Variants in COBLL1 observed in about 807,000 individuals in gnomAD.
The protein encoded by COBLL1 is cordon-bleu WH2 repeat protein like 1, also known as cordon-bleu protein-like 1.
COBLL1 carries 50 observed loss-of-function variants against 94.8 expected under a neutral mutation model. The observed-to-expected ratio is 0.53, with a 90% CI of 0.42 to 0.67. The LOEUF (loss-of-function observed/expected upper bound fraction) is 0.67. COBLL1 is among the 30% of genes least tolerant of loss of function. COBLL1 has a pLI of 0.00. For missense variants in COBLL1, 1,362 were observed against 1,348.7 expected, an observed-to-expected ratio of 1.01 and a Z score of -0.15; for synonymous variants, 448 against 473.8, an observed-to-expected ratio of 0.95 and a Z score of 0.71.
At chr2:164,771,565 T>A (rs1249978301) in intron 2 of COBLL1, among the ~76,000 whole-genome samples, 1 of 151,998 alleles carries the variant, frequency 6.6e-6, no homozygotes, top group Admixed American at 6.6e-5. Flanking sequence ...CCATATGACT[T>A]GGGAGTTTCA....
intron 2 of COBLL1, among the ~76,000 whole-genome samples, chr2:164,662,311 G>A (rs1450075947): frequency 2.0e-5 from 3 of 152,044 alleles, no homozygotes; most frequent in Non-Finnish European, 4.4e-5. Flanking sequence ...GCTTAGTAAA[G>A]CATAAGATTA....
At chr2:164,691,917 G>C (rs1040874637) in intron 13 of COBLL1, among the ~76,000 whole-genome samples, 4 of 152,088 alleles carry the variant, frequency 2.6e-5, no homozygotes, top group Admixed American at 6.6e-5. Flanking sequence ...GTTTTCCAAA[G>C]AGTCTTTCTC....
chr2:164,757,665 G>A (rs1687479074), intron 2 of COBLL1, among the ~76,000 whole-genome samples: 1 of 151,918 alleles, frequency 6.6e-6, no homozygotes, highest in South Asian at 2.1e-4. Flanking sequence ...TTAAATATTA[G>A]ACCAGGCGTG....
At chr2:164,720,727 G>A (rs1685401996) in intron 7 of COBLL1, among the ~76,000 whole-genome samples, 1 of 152,104 alleles carries the variant, frequency 6.6e-6, no homozygotes, top group Non-Finnish European at 1.5e-5. Context: ...GCAAGCCATC[G>A]TGTTCACATT....
At chr2:164,788,456 A>G (rs1682994442) in intron 2 of COBLL1, among the ~76,000 whole-genome samples, 2 of 152,166 alleles carry the variant, frequency 1.3e-5, no homozygotes, top group Non-Finnish European at 2.9e-5. Flanking sequence ...CAAGAGATAC[A>G]TGCAAAGAGT....
intron 2 of COBLL1, among the ~76,000 whole-genome samples, chr2:164,783,202 G>C (rs963014271): frequency 5.3e-5 from 8 of 152,066 alleles, no homozygotes; most frequent in African/African-American, 1.7e-4. Flanking sequence ...AGGAATTCCA[G>C]ATCAGCCTGG....
intron 2 of COBLL1, among the ~76,000 whole-genome samples, chr2:164,661,279 G>A (rs1390905567): frequency 1.3e-5 from 2 of 152,026 alleles, no homozygotes; most frequent in South Asian, 2.1e-4. Flanking sequence ...CCAGCTATGG[G>A]ATGGAAATAA....
intron 1 of COBLL1, among the ~76,000 whole-genome samples, chr2:164,669,556 A>G (rs910856630): frequency 1.3e-5 from 2 of 152,200 alleles, no homozygotes; most frequent in African/African-American, 4.8e-5. Flanking sequence ...TTGCTGCCCA[A>G]CCACTTCTAG....
intron 12 of COBLL1, among the ~76,000 whole-genome samples, chr2:164,693,065 T>C (rs1253159196): frequency 3.3e-5 from 5 of 152,162 alleles, no homozygotes; most frequent in Admixed American, 2.6e-4. Context: ...AAGTGGCATA[T>C]GTTATCAAGT....
chr2:164,796,705 C>CAAAAAAAAAA (rs34412964), intron 2 of COBLL1, among the ~76,000 whole-genome samples: 1 of 86,728 alleles, frequency 1.2e-5, no homozygotes, highest in African/African-American at 4.2e-5. Context: ...GCTGGCCTTC[C>CAAAAAAAAAA]AAAAAAAAAA....
intron 7 of COBLL1, among the ~76,000 whole-genome samples, chr2:164,717,267 C>T (rs1346434554): frequency 6.6e-6 from 1 of 152,186 alleles, no homozygotes; most frequent in Non-Finnish European, 1.5e-5. Flanking sequence ...CTAAAATTCA[C>T]ATACTTAGAA....
chr2:164,690,883 G>T (rs191391911), intron 13 of COBLL1, among the ~76,000 whole-genome samples: 29 of 152,170 alleles, frequency 1.9e-4, no homozygotes, highest in African/African-American at 6.3e-4. Flanking sequence ...ATCAGAAAAA[G>T]AAAACTTTTC....
chr2:164,751,223 C>G (rs188401288), intron 2 of COBLL1, among the ~76,000 whole-genome samples: 1 of 152,282 alleles, frequency 6.6e-6, no homozygotes, highest in Non-Finnish European at 1.5e-5. Flanking sequence ...TGGTCCCCAT[C>G]ACATTTATCA....
chr2:164,672,569 G>A (rs1482219135), intron 1 of COBLL1, among the ~76,000 whole-genome samples: 1 of 151,526 alleles, frequency 6.6e-6, no homozygotes, highest in Non-Finnish European at 1.5e-5. Context: ...CGCGGTGGCG[G>A]GCGCCTGTAG....
At position 164,694,328 on chromosome 2, in the gene COBLL1, C is replaced by A; in HGVS notation, c.3064G>T (p.Gly1022Trp). 1 of 1,613,988 alleles carries A rather than the reference C, an allele frequency of 6.2e-7. No individual in the cohort carries two copies. The highest frequency in any genetic ancestry group is 8.5e-7 in the Non-Finnish European group (1 of 1,179,900). ...AATTTATTTACAGAATGAGTCTTCC[C>A]TTCCTCTGTGTTGGCTGGAGGTTGG... ...LVQPPANTEEGKTHSVNKFVD... is the reference protein window; with the variant it reads ...LVQPPANTEEWKTHSVNKFVD... The change falls in exon 12 of 14, where the codon GGG becomes TGG. Residue 1022 changes from glycine (G) to tryptophan (W), a missense_variant. Gly to Trp is a radical substitution (Grantham distance 184, BLOSUM62 -2). Transcript: ENST00000652658.
chr2:164,763,126 C>T lies in COBLL1; in HGVS notation c.42-19251G>A, dbSNP rs1181080107. On this transcript the variant is annotated intron_variant, in intron 2 of 13. Transcript: ENST00000652658. ...GTTGTGACAGAGACCTTAGAGCCTG[C>T]AAAGTCTAAAATGTTTACTGTCTCG... Among the ~76,000 whole-genome samples the T allele has an allele frequency of 2.0e-5, 3 of 152,146 alleles. No homozygotes were observed. The East Asian group carries it at 5.8e-4, about 29-fold the overall frequency.
intron 3 of COBLL1, among the ~76,000 whole-genome samples, chr2:164,737,544 A>T (rs892412270): frequency 1.3e-5 from 2 of 152,230 alleles, no homozygotes; most frequent in Admixed American, 1.3e-4. Context: ...AAATTTAAGC[A>T]TCTTATATAG....
At chr2:164,691,131 G>A (rs769249809) in intron 13 of COBLL1, among the ~76,000 whole-genome samples, 1 of 152,026 alleles carries the variant, frequency 6.6e-6, no homozygotes, top group Non-Finnish European at 1.5e-5. Flanking sequence ...CTCCATGTTT[G>A]CCCAGACAGG....
intron 2 of COBLL1, among the ~76,000 whole-genome samples, chr2:164,754,791 A>G (rs908608814): frequency 6.6e-6 from 1 of 152,196 alleles, no homozygotes; most frequent in Non-Finnish European, 1.5e-5. Context: ...TAAAGGAAAC[A>G]TGTAAATCCT....
Sources: gnomAD v4.1 joint callset for allele counts (sites outside exome capture counted in the v4.1 genomes callset) on GRCh38, gnomAD v4.1.1 for gene constraint, MANE v1.5 for transcripts, NCBI Gene and HGNC (gene_info 2026-07-23, HGNC 2026-07-21) for gene names.